The following CPED1 variants were observed in gnomAD, a reference collection of about 807,000 sequenced individuals.
CPED1 encodes cadherin-like and PC-esterase domain-containing protein 1.
A neutral mutation model predicts 128.2 loss-of-function variants in CPED1; 114 were observed. That is an observed-to-expected ratio of 0.89 (90% confidence interval 0.76 to 1.04). The LOEUF is 1.04. Ranked by LOEUF, CPED1 falls within the 50% of genes least tolerant of loss-of-function variation. The pLI is 0.00. For missense variants in CPED1, 1,211 were observed against 1,207.1 expected, an observed-to-expected ratio of 1.00 and a Z score of -0.05; for synonymous variants, 462 against 426.7, an observed-to-expected ratio of 1.08 and a Z score of -1.02.
chr7:121,062,102 T>C (rs2116042261), intron 4 of CPED1, among the ~76,000 whole-genome samples: 1 of 152,336 alleles, frequency 6.6e-6, no homozygotes, highest in East Asian at 1.9e-4. Flanking sequence ...AGAACAATTG[T>C]TTCCCTTGGC....
At chr7:121,033,755 A>G (rs1389120015) in intron 3 of CPED1, among the ~76,000 whole-genome samples, 1 of 152,222 alleles carries the variant, frequency 6.6e-6, no homozygotes, top group Non-Finnish European at 1.5e-5. Context: ...GTGTAATCCT[A>G]AAATACTGTG....
chr7:120,995,451 G>A (rs541127465), intron 2 of CPED1, among the ~76,000 whole-genome samples: 1 of 152,182 alleles, frequency 6.6e-6, no homozygotes, highest in African/African-American at 2.4e-5. Flanking sequence ...CCAACCTTAG[G>A]TCCTTGGATC....
chr7:121,213,978 A>G (rs1309323900), intron 16 of CPED1, among the ~76,000 whole-genome samples: 1 of 152,010 alleles, frequency 6.6e-6, no homozygotes, highest in Admixed American at 6.6e-5. Context: ...TTTGGTTATC[A>G]TGCCTCTTAT....
chr7:121,044,648 C>CTTTTTTTTTTTTTTTTTGTTTTTTTTTTT (rs35159862), intron 3 of CPED1, among the ~76,000 whole-genome samples: 1 of 69,540 alleles, frequency 1.4e-5, no homozygotes. Context: ...TGACTTTCTG[C>CTTTTTTTTTTTTTTTTTGTTTTTTTTTTT]TCTTTTTTTT....
At chr7:121,001,003 G>C (rs1358573159) in intron 2 of CPED1, among the ~76,000 whole-genome samples, 2 of 152,140 alleles carry the variant, frequency 1.3e-5, no homozygotes, top group African/African-American at 4.8e-5. Flanking sequence ...CTTCCCCTGA[G>C]AAGCTGGGTT....
At position 121,265,173 on chromosome 7, in the gene CPED1, A is replaced by G. The variant is rs929481711; in HGVS notation, c.2311-1054A>G. 4.6e-5 allele frequency among the ~76,000 whole-genome samples: 7 copies of G among 152,174 alleles called. 1 individual carries two copies. Among genetic ancestry groups the G allele is most frequent in the Admixed American group, 4.6e-4 (7 of 15,276 alleles). ...AAGGAAAAGCAGATGTTGAATGCAA[A>G]TCATGTTTAGCAGAAAAGTAGAAGT... is the stretch of plus-strand genomic sequence containing the variant. On this transcript the variant is annotated intron_variant, in intron 18 of 22. Coordinates refer to ENST00000310396, the MANE Select transcript of CPED1 (RefSeq NM_024913.5).
At chr7:121,172,598 A>C (rs1452303683) in intron 16 of CPED1, among the ~76,000 whole-genome samples, 1 of 152,046 alleles carries the variant, frequency 6.6e-6, no homozygotes, top group African/African-American at 2.4e-5. Context: ...AAGACCTGAC[A>C]TAAGTGGATG....
intron 5 of CPED1, among the ~76,000 whole-genome samples, chr7:121,080,308 T>C (rs1315055948): frequency 1.3e-5 from 2 of 152,162 alleles, no homozygotes; most frequent in African/African-American, 4.8e-5. Context: ...ATTACAATTG[T>C]TTGGATCTTC....
chr7:121,101,933 T>C (rs1794859349), intron 7 of CPED1, among the ~76,000 whole-genome samples: 1 of 152,102 alleles, frequency 6.6e-6, no homozygotes, highest in Admixed American at 6.6e-5. Flanking sequence ...TATTTCAACA[T>C]GAGATTTGGA....
intron 16 of CPED1, among the ~76,000 whole-genome samples, chr7:121,164,273 T>C (rs1796473239): frequency 6.6e-6 from 1 of 152,248 alleles, no homozygotes; most frequent in African/African-American, 2.4e-5. Flanking sequence ...TCTGGTCTAG[T>C]ACACTTCTTT....
intron 16 of CPED1, among the ~76,000 whole-genome samples, chr7:121,220,292 T>C (rs1401289813): frequency 6.6e-6 from 1 of 152,058 alleles, no homozygotes; most frequent in African/African-American, 2.4e-5. Context: ...CTGAGCATCG[T>C]CTACTCTGAA....
At chr7:120,990,518 GA>G (rs201636363) in intron 2 of CPED1, among the ~76,000 whole-genome samples, 15 of 150,744 alleles carry the variant, frequency 1.0e-4, no homozygotes, top group Middle Eastern at 3.4e-3. Context: ...GTCAAATATT[GA>G]AAAAAAACAC....
rs1794502951 is a variant in CPED1, at chr7:121,088,763, C to CAAAAGAAAAAAAAAAAAAAAAAAAA, written c.617-8932_617-8931insGAAAAAAAAAAAAAAAAAAAAAAAA. Reference sequence around the variant, plus strand: ...AAGTTAAAATCTAGGCAAAAATTGGCAAAAAAAAAAAAAAAAAAAAAAAAA... The same window carrying CAAAAGAAAAAAAAAAAAAAAAAAAA: ...AAGTTAAAATCTAGGCAAAAATTGGCAAAAGAAAAAAAAAAAAAAAAAAAAAAAAAAAAAAAAAAAAAAAAAAAAA... On this transcript the variant is annotated intron_variant, in intron 5 of 22. Coordinates refer to ENST00000310396, the MANE Select transcript of CPED1 (RefSeq NM_024913.5). 3.7e-5 allele frequency among the ~76,000 whole-genome samples: 2 copies of CAAAAGAAAAAAAAAAAAAAAAAAAA among 53,794 alleles called. 1 individual carries two copies. The highest frequency in any genetic ancestry group is 6.8e-5 in the Non-Finnish European group (2 of 29,272). The allele number at this position is 53,794 out of a possible 152,430, so 35.3% of individuals were successfully genotyped here.
rs148599896 is a variant in CPED1, at chr7:121,146,902, C to T, written c.2055+4761C>T. Among the ~76,000 whole-genome samples, 730 of 152,174 alleles carry T rather than the reference C, an allele frequency of 4.8e-3. 5 individuals carry two copies. Among genetic ancestry groups the T allele is most frequent in the African/African-American group, 0.017 (687 of 41,534 alleles). ...GATTGGGATTAGAGTTTCTCAATCT[C>T]GGCACTGTTGACATTTGAAGCTGGA... On this transcript the variant is annotated intron_variant, in intron 16 of 22. Coordinates refer to ENST00000310396, the MANE Select transcript of CPED1 (RefSeq NM_024913.5).
chr7:121,133,716 A>G, intron 12 of CPED1, 107 bp from the exon 13 acceptor site: 1 of 715,892 alleles, frequency 1.4e-6, no homozygotes. Flanking sequence ...TTTTGTGTTC[A>G]TCAAAGTAAC....
rs182541085 is a variant in CPED1 at position 121,004,947 on chromosome 7, C to G, written c.250-10718C>G. Among the ~76,000 whole-genome samples, 57 of 152,232 alleles carry G rather than the reference C, an allele frequency of 3.7e-4. 1 individual carries two copies. The highest frequency in any genetic ancestry group is 1.3e-3 in the African/African-American group (54 of 41,546). On this transcript the variant is annotated intron_variant, in intron 2 of 22. Coordinates refer to ENST00000310396, the MANE Select transcript of CPED1 (RefSeq NM_024913.5). ...TCACTGTATGTATGACATCATGCCC[C>G]TATGTATTTTTATAATGATATGTTT...
intron 16 of CPED1, among the ~76,000 whole-genome samples, chr7:121,143,316 C>T (rs1359599243): frequency 6.6e-6 from 1 of 151,954 alleles, no homozygotes; most frequent in African/African-American, 2.4e-5. Context: ...TAGGACTTCC[C>T]TGAACCTCTA....
chr7:121,184,173 T>G (rs1283518602), intron 16 of CPED1, among the ~76,000 whole-genome samples: 1 of 152,134 alleles, frequency 6.6e-6, no homozygotes, highest in Non-Finnish European at 1.5e-5. Flanking sequence ...TGTGATTCTT[T>G]TCTTTCAAAA....
intron 16 of CPED1, among the ~76,000 whole-genome samples, chr7:121,190,180 G>A (rs1797102855): frequency 6.6e-6 from 1 of 151,992 alleles, no homozygotes; most frequent in African/African-American, 2.4e-5. Context: ...TTGATGAGGT[G>A]ACATTTGTGC....
Sources: gnomAD v4.1 joint callset for allele counts (sites outside exome capture counted in the v4.1 genomes callset) on GRCh38, gnomAD v4.1.1 for gene constraint, MANE v1.5 for transcripts, NCBI Gene and HGNC (gene_info 2026-07-23, HGNC 2026-07-21) for gene names.